Variants in IRGM observed in about 807,000 individuals in gnomAD.
IRGM encodes immunity related GTPase M.
For missense variants in IRGM, 288 were observed against 219.9 expected (o/e 1.31, Z -1.96); for synonymous variants, 98 against 80.6 (o/e 1.22, Z -1.16).
At chr5:150,848,750 C>T, downstream of IRGM, 1 of 997,116 alleles carries the variant, frequency 1.0e-6, no homozygotes, top group Non-Finnish European at 1.5e-6. Context: ...TTGAAACACA[C>T]CTGGTGCAGA....
intron 1 of IRGM, among the ~76,000 whole-genome samples, chr5:150,856,641 T>A (rs1178420807): frequency 6.6e-6 from 1 of 151,182 alleles, no homozygotes; most frequent in Non-Finnish European, 1.5e-5. Context: ...TGCTGCAGTT[T>A]TTTTATTTTT....
downstream of IRGM, chr5:150,848,764 G>A (rs770029666): frequency 1.1e-6 from 1 of 888,396 alleles, no homozygotes; most frequent in South Asian, 1.8e-5. Context: ...GTGCAGAAGG[G>A]TATCTTACAA....
intron 3 of IRGM, chr5:150,897,016 C>A: frequency 2.0e-6 from 3 of 1,469,922 alleles, no homozygotes; most frequent in South Asian, 1.3e-5. Context: ...TCACAAGAGT[C>A]AATTAAGAGG....
At chr5:150,861,050 G>A (rs1053595148) in intron 1 of IRGM, among the ~76,000 whole-genome samples, 3 of 152,164 alleles carry the variant, frequency 2.0e-5, no homozygotes, top group African/African-American at 7.2e-5. Context: ...TGCTGTTCAT[G>A]AGTCTGTGAT....
intron 3 of IRGM, chr5:150,896,202 A>G: frequency 6.2e-7 from 1 of 1,613,372 alleles, no homozygotes; most frequent in Non-Finnish European, 8.5e-7. Context: ...CCCAGTGTGA[A>G]CTCTCTGATG....
intron 3 of IRGM, chr5:150,898,275 C>T (rs1754869182): frequency 1.3e-6 from 2 of 1,591,448 alleles, no homozygotes; most frequent in Admixed American, 3.4e-5. Flanking sequence ...TAAAGCTGTC[C>T]AGTTAGCCCT....
At chr5:150,897,873 CAT>C (rs112293233) in intron 3 of IRGM, 28 of 576,754 alleles carry the variant, frequency 4.9e-5, no homozygotes, top group Middle Eastern at 4.9e-4. Flanking sequence ...CAAATATAAA[CAT>C]ATATATATAC....
chr5:150,883,312 C>G (rs930696919), intron 3 of IRGM, among the ~76,000 whole-genome samples: 5 of 151,332 alleles, frequency 3.3e-5, no homozygotes, highest in Non-Finnish European at 7.4e-5. Flanking sequence ...AGATAAAGAT[C>G]TCAAAAAAAC....
chr5:150,854,884 C>T (rs1198396618), intron 1 of IRGM, among the ~76,000 whole-genome samples: 16 of 152,080 alleles, frequency 1.1e-4, no homozygotes, highest in Admixed American at 9.8e-4. Flanking sequence ...AAATTATCTG[C>T]CCCTTTCTTC....
intron 2 of IRGM, among the ~76,000 whole-genome samples, chr5:150,878,768 ATAAT>A (rs1339099848): frequency 7.0e-6 from 1 of 142,856 alleles, no homozygotes; most frequent in East Asian, 2.2e-4. Flanking sequence ...AGATAAATGT[ATAAT>A]TATTGTTGTT....
intron 3 of IRGM, among the ~76,000 whole-genome samples, chr5:150,892,392 A>G (rs1754623837): frequency 6.6e-6 from 1 of 152,056 alleles, no homozygotes; most frequent in Non-Finnish European, 1.5e-5. Context: ...GAATCAGAAT[A>G]TCTGAGTTTT....
chr5:150,897,690 C>T (rs934939941), intron 3 of IRGM: 23 of 213,202 alleles, frequency 1.1e-4, no homozygotes, highest in East Asian at 4.3e-4. Context: ...TTCTCAAATA[C>T]GCTCACATCT....
At chr5:150,859,184 T>A (rs1401223702) in intron 1 of IRGM, among the ~76,000 whole-genome samples, 2 of 152,214 alleles carry the variant, frequency 1.3e-5, no homozygotes, top group Admixed American at 1.3e-4. Flanking sequence ...ATTGAGATAA[T>A]GATGTGGTTT....
At chr5:150,867,419 T>A (rs920040097) in intron 1 of IRGM, among the ~76,000 whole-genome samples, 4 of 152,196 alleles carry the variant, frequency 2.6e-5, no homozygotes, top group Non-Finnish European at 5.9e-5. Flanking sequence ...TTTGAGATTG[T>A]GAATTTTGCT....
intron 3 of IRGM, among the ~76,000 whole-genome samples, chr5:150,885,250 C>T (rs1051749358): frequency 1.3e-5 from 2 of 151,996 alleles, no homozygotes; most frequent in Non-Finnish European, 2.9e-5. Flanking sequence ...TTTTGGAGCT[C>T]TCTATCCTGT....
chr5:150,883,642 G>T (rs878948652), intron 3 of IRGM, among the ~76,000 whole-genome samples: 2 of 151,848 alleles, frequency 1.3e-5, no homozygotes, highest in Admixed American at 1.3e-4. Context: ...TAACCCACCA[G>T]AAGTGAATAA....
intron 3 of IRGM, among the ~76,000 whole-genome samples, chr5:150,900,345 C>G (rs1754949661): frequency 6.6e-6 from 1 of 152,002 alleles, no homozygotes; most frequent in South Asian, 2.1e-4. Context: ...TCACTCTGCC[C>G]TTTCTACTTT....
At chr5:150,887,485 G>C (rs1049726479) in intron 3 of IRGM, among the ~76,000 whole-genome samples, 1 of 151,848 alleles carries the variant, frequency 6.6e-6, no homozygotes, top group Admixed American at 6.6e-5. Flanking sequence ...TCTTCAAAGG[G>C]AGGAAGCAAA....
chr5:150,876,704 C>T lies in IRGM; in HGVS notation c.159-1276C>T, dbSNP rs78984293. Among the ~76,000 whole-genome samples the T allele has an allele frequency of 5.3e-3, 809 of 152,176 alleles. 7 individuals are homozygous for T. Among genetic ancestry groups the T allele is most frequent in the African/African-American group, 0.017 (707 of 41,518 alleles). ...GCAGAACTGCAAATGGGTTCCAGACCCCTCAGGAATGAAGGTTTGGGTCAC... is the reference window on the plus strand; with the variant it reads ...GCAGAACTGCAAATGGGTTCCAGACTCCTCAGGAATGAAGGTTTGGGTCAC... On this transcript the variant is annotated intron_variant and NMD_transcript_variant, in intron 1 of 3. Coordinates refer to the IRGM transcript ENST00000520549.
Sources: gnomAD v4.1 joint callset for allele counts (sites outside exome capture counted in the v4.1 genomes callset) on GRCh38, gnomAD v4.1.1 for gene constraint, MANE v1.5 for transcripts, NCBI Gene and HGNC (gene_info 2026-07-23, HGNC 2026-07-21) for gene names.